The following ERC1 variants were observed in gnomAD, a reference collection of about 807,000 sequenced individuals.
The protein encoded by ERC1 is RAB6 interacting protein 2.
ERC1 carries 56 observed loss-of-function variants against 132.0 expected under a neutral mutation model. The ratio of observed to expected loss-of-function variants is 0.42; its 90% CI spans 0.34 to 0.53. The LOEUF is 0.53. ERC1 is among the 20% of genes least tolerant of loss of function. The pLI, the probability that ERC1 is intolerant of heterozygous loss-of-function variation, is 0.03. For synonymous variants in ERC1, 478 were observed against 476.1 expected (o/e 1.00, Z -0.05); for missense variants, 1,202 against 1,349.9 (o/e 0.89, Z 1.72).
chr12:1,402,123 AAG>A (rs2091119452), intron 16 of ERC1, among the ~76,000 whole-genome samples: 1 of 152,372 alleles, frequency 6.6e-6, no homozygotes, highest in Non-Finnish European at 1.5e-5. Context: ...TATTGTAAAA[AAG>A]AGAAATTGCA....
At chr12:1,115,728 CA>C in intron 6 of ERC1, 137 bp from the exon 7 acceptor site, 1 of 702,314 alleles carries the variant, frequency 1.4e-6, no homozygotes, top group Non-Finnish European at 2.2e-6. Flanking sequence ...TTATGTCATG[CA>C]AAAAGATGAA....
chr12:1,355,961 T>G (rs529839414), intron 15 of ERC1, among the ~76,000 whole-genome samples: 1 of 152,292 alleles, frequency 6.6e-6, no homozygotes, highest in South Asian at 2.1e-4. Flanking sequence ...GTCCTAGCAC[T>G]TTGGGAGGCC....
intron 18 of ERC1, among the ~76,000 whole-genome samples, chr12:1,447,557 A>C (rs948513334): frequency 1.3e-5 from 2 of 151,760 alleles, no homozygotes; most frequent in African/African-American, 2.4e-5. Context: ...AAAAAAAAAA[A>C]CCCAGTGCTT....
chr12:1,209,322 A>G (rs1272655817), intron 12 of ERC1, among the ~76,000 whole-genome samples: 2 of 151,844 alleles, frequency 1.3e-5, no homozygotes, highest in African/African-American at 2.4e-5. Flanking sequence ...ATTGTTCCCT[A>G]TGATTATCAA....
At chr12:1,112,667 TA>T (rs1427618518) in intron 6 of ERC1, among the ~76,000 whole-genome samples, 1 of 152,258 alleles carries the variant, frequency 6.6e-6, no homozygotes, top group East Asian at 1.9e-4. Flanking sequence ...GTTCTAGGCC[TA>T]TCACCTAGAG....
intron 11 of ERC1, among the ~76,000 whole-genome samples, chr12:1,187,889 GGT>G (rs1339236449): frequency 5.9e-5 from 9 of 152,118 alleles, no homozygotes; most frequent in Non-Finnish European, 1.3e-4. Context: ...TAAATCACAT[GGT>G]GTGAGGGAAG....
intron 15 of ERC1, among the ~76,000 whole-genome samples, chr12:1,338,497 G>A (rs1009062552): frequency 1.3e-5 from 2 of 152,068 alleles, no homozygotes; most frequent in Non-Finnish European, 2.9e-5. Context: ...GCATCTCAAC[G>A]ATCTGCATTC....
chr12:1,190,519 C>G (rs772156424), intron 12 of ERC1, among the ~76,000 whole-genome samples: 2 of 152,120 alleles, frequency 1.3e-5, no homozygotes, highest in Non-Finnish European at 2.9e-5. Flanking sequence ...GCTGTTACTT[C>G]AGTGCATTAG....
intron 7 of ERC1, among the ~76,000 whole-genome samples, chr12:1,139,430 A>G (rs548191739): frequency 6.6e-6 from 1 of 152,094 alleles, no homozygotes; most frequent in African/African-American, 2.4e-5. Flanking sequence ...CAATTGTTCT[A>G]TTTTGTTACT....
chr12:1,249,641 A>G (rs924016652), intron 13 of ERC1, among the ~76,000 whole-genome samples: 3 of 152,216 alleles, frequency 2.0e-5, no homozygotes, highest in Non-Finnish European at 2.9e-5. Flanking sequence ...AATTGTATCT[A>G]TAGATGTCAA....
rs146494984 is a variant in ERC1 at position 1,318,940 on chromosome 12, A to G, written c.2780+28928A>G. On this transcript the variant is annotated intron_variant, in intron 15 of 18. Coordinates refer to ENST00000360905, the MANE Select transcript of ERC1 (RefSeq NM_178040.4). ...CAACAGTCTCTCCAAGTTAACTGCC[A>G]GAAATTTACTGTGTAATTCTCAGCT... Among the ~76,000 whole-genome samples, 105 of 152,276 alleles carry G rather than the reference A, an allele frequency of 6.9e-4. 1 individual carries two copies. Among genetic ancestry groups the G allele is most frequent in the Middle Eastern group, 3.4e-3 (1 of 294 alleles).
chr12:1,460,632 C>T (rs75693683), intron 18 of ERC1, among the ~76,000 whole-genome samples: 251 of 152,138 alleles, frequency 1.6e-3, no homozygotes, highest in African/African-American at 5.9e-3. Context: ...TGAAATAAGT[C>T]CTTTTGACTG....
At chr12:1,272,640 T>C (rs2077943343) in intron 14 of ERC1, among the ~76,000 whole-genome samples, 2 of 152,154 alleles carry the variant, frequency 1.3e-5, no homozygotes, top group African/African-American at 4.8e-5. Context: ...TTTACATCCA[T>C]GGTCTTCTCA....
intron 1 of ERC1, among the ~76,000 whole-genome samples, chr12:1,026,800 TC>T (rs1441337740): frequency 6.6e-6 from 1 of 152,234 alleles, no homozygotes; most frequent in Non-Finnish European, 1.5e-5. Context: ...AGGGCTGTCT[TC>T]CTTCCTTGTT....
chr12:1,094,631 G>A (rs531526166), intron 3 of ERC1, among the ~76,000 whole-genome samples: 3 of 152,068 alleles, frequency 2.0e-5, no homozygotes, highest in African/African-American at 7.2e-5. Context: ...GGCTGGTCTC[G>A]AACTCCTGAC....
At chr12:1,161,602 T>C (rs1197674056) in intron 8 of ERC1, among the ~76,000 whole-genome samples, 1 of 152,178 alleles carries the variant, frequency 6.6e-6, no homozygotes, top group East Asian at 1.9e-4. Flanking sequence ...AGCAGTTGAG[T>C]TGAGTTTTTT....
At chr12:1,453,252 C>A (rs1469795015) in intron 18 of ERC1, among the ~76,000 whole-genome samples, 1 of 152,158 alleles carries the variant, frequency 6.6e-6, no homozygotes, top group Non-Finnish European at 1.5e-5. Flanking sequence ...TCCCCAGTAG[C>A]AGCAGACTTC....
chr12:1,335,747 T>C (rs886832020), intron 15 of ERC1, among the ~76,000 whole-genome samples: 11 of 152,222 alleles, frequency 7.2e-5, no homozygotes, highest in African/African-American at 2.2e-4. Context: ...GTAGAATTAG[T>C]TGGGGAGGAG....
chr12:1,402,108 G>A (rs1410385894), intron 16 of ERC1, among the ~76,000 whole-genome samples: 2 of 152,116 alleles, frequency 1.3e-5, no homozygotes, highest in African/African-American at 2.4e-5. Flanking sequence ...TAAGGAAATT[G>A]CAAATATTGT....
Sources: gnomAD v4.1 joint callset for allele counts (sites outside exome capture counted in the v4.1 genomes callset) on GRCh38, gnomAD v4.1.1 for gene constraint, MANE v1.5 for transcripts, NCBI Gene and HGNC (gene_info 2026-07-23, HGNC 2026-07-21) for gene names.